ZNF362: variants seen among roughly 807,000 people sequenced by gnomAD.
ZNF362 encodes rotund homolog.
In ZNF362, 11 loss-of-function variants were observed where a neutral mutation model predicts 42.9. The observed-to-expected ratio is 0.26, with a 90% CI of 0.16 to 0.42. ZNF362 has a LOEUF of 0.42. Among genes scored for constraint, ZNF362 ranks in the 20% least tolerant of loss-of-function variants. The pLI is 1.00. For synonymous variants in ZNF362, 255 were observed against 257.3 expected (o/e 0.99, Z 0.09); for missense variants, 362 against 576.2 (o/e 0.63, Z 3.81).
chr1:33,147,719 C>A, the ZNF362 span: 1 of 1,609,304 alleles, frequency 6.2e-7, no homozygotes. The surrounding 1 kb of genome is among the most constrained non-coding windows in gnomAD (Gnocchi z 8.1). Flanking sequence ...AGGGTTAGGG[C>A]GGCTGGCACT....
At chr1:33,160,714 A>G in the ZNF362 span, among the ~76,000 whole-genome samples, 20 of 152,258 alleles carry the variant, frequency 1.3e-4, no homozygotes, top group African/African-American at 3.4e-4. Flanking sequence ...TGAAGTCTTT[A>G]TTTTAAAAAA....
chr1:33,281,442 T>C lies in ZNF362; in HGVS notation c.684-145T>C, dbSNP rs773438441. ...GTGCCCAGGCTGGGAGACTGTCCCCTGTCTTTCCCAGGTGGTCCTGTGCTT... is the reference window on the plus strand; with the variant it reads ...GTGCCCAGGCTGGGAGACTGTCCCCCGTCTTTCCCAGGTGGTCCTGTGCTT... On this transcript the variant is annotated intron_variant, in intron 5 of 8. Transcript: ENST00000539719. The surrounding 1 kb of genome is among the most constrained non-coding windows in gnomAD (Gnocchi z 4.8). 5.4e-6 allele frequency: 4 copies of C among 737,146 alleles called. No homozygotes were observed. In the Admixed American group the frequency reaches 1.0e-4, roughly 19 times the overall value. 45.7% of individuals were successfully genotyped at this position (737,146 alleles called of 1,614,324 possible).
chr1:33,228,694 C>T, the ZNF362 span, among the ~76,000 whole-genome samples: 2 of 152,282 alleles, frequency 1.3e-5, no homozygotes, highest in South Asian at 2.1e-4. Context: ...GTGACTCTGC[C>T]ACTCTGGAAG....
intron 2 of ZNF362, among the ~76,000 whole-genome samples, chr1:33,272,589 C>A (rs1645912333): frequency 6.6e-6 from 1 of 152,118 alleles, no homozygotes; most frequent in South Asian, 2.1e-4. Flanking sequence ...TGGCTTTTGT[C>A]GTGCTTGAGG....
chr1:33,269,527 T>A (rs1645887060), intron 1 of ZNF362, among the ~76,000 whole-genome samples: 1 of 152,190 alleles, frequency 6.6e-6, no homozygotes, highest in African/African-American at 2.4e-5. Context: ...CATGTGACCA[T>A]GGGGTCTGGG....
chr1:33,156,443 C>T, the ZNF362 span, among the ~76,000 whole-genome samples: 3 of 152,310 alleles, frequency 2.0e-5, no homozygotes, highest in South Asian at 4.1e-4. Flanking sequence ...GGCTCAGCAG[C>T]CTTTGTCACT....
the ZNF362 span, among the ~76,000 whole-genome samples, chr1:33,188,042 T>A: frequency 6.6e-6 from 1 of 152,148 alleles, no homozygotes; most frequent in Non-Finnish European, 1.5e-5. Context: ...GAGACCAGCC[T>A]GACCAACATG....
chr1:33,197,538 G>A, the ZNF362 span, among the ~76,000 whole-genome samples: 6 of 152,284 alleles, frequency 3.9e-5, no homozygotes, highest in Middle Eastern at 0.014. Context: ...TATATGAAAC[G>A]ATGGTTCTCA....
the ZNF362 span, among the ~76,000 whole-genome samples, chr1:33,211,561 GACCCCC>G: frequency 6.6e-6 from 1 of 152,106 alleles, no homozygotes; most frequent in East Asian, 1.9e-4. Context: ...GTTGAATATT[GACCCCC>G]ACTCTCTTCT....
chr1:33,165,246 C>G, the ZNF362 span: 2 of 482,472 alleles, frequency 4.1e-6, no homozygotes, highest in Admixed American at 7.6e-5. This position sits in a 1 kb window ranked among gnomAD's most constrained non-coding sequence, Gnocchi z 4.0. Context: ...AGGGACCAGC[C>G]CACATCCTTG....
At chr1:33,174,523 TG>T in the ZNF362 span, among the ~76,000 whole-genome samples, 1 of 152,096 alleles carries the variant, frequency 6.6e-6, no homozygotes, top group African/African-American at 2.4e-5. Flanking sequence ...ATTTATAAAA[TG>T]GGGCAATGAG....
At chr1:33,282,726 G>A (rs1374167136) in intron 6 of ZNF362, among the ~76,000 whole-genome samples, 2 of 151,930 alleles carry the variant, frequency 1.3e-5, no homozygotes, top group Non-Finnish European at 2.9e-5. Context: ...GGAGGCTTAG[G>A]CAGGAGACTC....
chr1:33,166,785 A>T, the ZNF362 span, among the ~76,000 whole-genome samples: 3 of 152,172 alleles, frequency 2.0e-5, 1 homozygote, highest in Admixed American at 6.5e-5. Flanking sequence ...ATAAAAACAC[A>T]ATCAGCCTCA....
At chr1:33,150,634 A>C in the ZNF362 span, among the ~76,000 whole-genome samples, 2 of 152,180 alleles carry the variant, frequency 1.3e-5, no homozygotes, top group Admixed American at 6.5e-5. Flanking sequence ...TGGTGGCTGG[A>C]TGTTTCACCC....
rs752856031 is a variant in ZNF362, at chr1:33,280,009, A to T, written c.350-115A>T. On this transcript the variant is annotated intron_variant, in intron 4 of 8. Transcript: ENST00000539719. This position sits in a 1 kb window ranked among gnomAD's most constrained non-coding sequence, Gnocchi z 5.6. ...GGTCTCATTTAGTTACCCCTGGGTAATAACTTATGAACGTTAAGGGGATGC... is the reference window on the plus strand; with the variant it reads ...GGTCTCATTTAGTTACCCCTGGGTATTAACTTATGAACGTTAAGGGGATGC... The T allele has an allele frequency of 3.2e-6, 4 of 1,267,926 alleles. No homozygotes were observed. Among genetic ancestry groups the T allele is most frequent in the Admixed American group, 2.9e-5 (1 of 34,162 alleles). The allele number at this position is 1,267,926 out of a possible 1,614,324, so 78.5% of individuals were successfully genotyped here.
the ZNF362 span, among the ~76,000 whole-genome samples, chr1:33,204,580 C>T: frequency 6.6e-6 from 1 of 152,154 alleles, no homozygotes; most frequent in Non-Finnish European, 1.5e-5. Flanking sequence ...AACATTTTAA[C>T]AATATTAATT....
the ZNF362 span, among the ~76,000 whole-genome samples, chr1:33,161,778 C>T: frequency 6.6e-6 from 1 of 152,186 alleles, no homozygotes; most frequent in African/African-American, 2.4e-5. This position sits in a 1 kb window ranked among gnomAD's most constrained non-coding sequence, Gnocchi z 4.3. Context: ...CCTCTGGCTC[C>T]TCCTAGACCA....
the ZNF362 span, among the ~76,000 whole-genome samples, chr1:33,239,825 C>G: frequency 6.6e-6 from 1 of 152,134 alleles, no homozygotes; most frequent in South Asian, 2.1e-4. Context: ...CAGATGGGAA[C>G]ATGTCAGAAG....
chr1:33,236,126 A>G, the ZNF362 span, among the ~76,000 whole-genome samples: 98 of 152,220 alleles, frequency 6.4e-4, 1 homozygote, highest in South Asian at 0.02. Context: ...ACGGGCTCAT[A>G]GTAATACCTC....
Sources: gnomAD v4.1 joint callset for allele counts (sites outside exome capture counted in the v4.1 genomes callset) on GRCh38, gnomAD v4.1.1 for gene constraint, Gnocchi (gnomAD v3.1) non-coding constraint, MANE v1.5 for transcripts, NCBI Gene and HGNC (gene_info 2026-07-23, HGNC 2026-07-21) for gene names.